Variants in ZBTB7C observed in about 807,000 individuals in gnomAD.
The protein encoded by ZBTB7C is zinc finger and BTB domain containing 7C.
In ZBTB7C, 8 loss-of-function variants were observed where a neutral mutation model predicts 25.7. That is an observed-to-expected ratio of 0.31 (90% confidence interval 0.18 to 0.56). ZBTB7C has a LOEUF of 0.56. ZBTB7C is among the 20% of genes least tolerant of loss of function. ZBTB7C has a pLI of 0.91. For synonymous variants in ZBTB7C, 394 were observed against 369.0 expected (o/e 1.07, Z -0.78); for missense variants, 824 against 855.2 (o/e 0.96, Z 0.46).
At chr18:48,144,299 T>C (rs977300059) in intron 3 of ZBTB7C, among the ~76,000 whole-genome samples, 4 of 151,534 alleles carry the variant, frequency 2.6e-5, no homozygotes, top group Non-Finnish European at 5.9e-5. Flanking sequence ...ATTTTTTTTT[T>C]CTTAGTTTTC....
chr18:48,175,962 G>T (rs1418926386), intron 3 of ZBTB7C, among the ~76,000 whole-genome samples: 2 of 152,206 alleles, frequency 1.3e-5, no homozygotes, highest in African/African-American at 2.4e-5. Context: ...TTAATGACTG[G>T]ATGGGCCAAA....
intron 3 of ZBTB7C, among the ~76,000 whole-genome samples, chr18:48,088,670 A>C (rs1303574322): frequency 2.4e-5 from 1 of 42,324 alleles, no homozygotes; most frequent in African/African-American, 1.1e-4. Flanking sequence ...TCTACTAAAA[A>C]TACAAAAAAA....
At chr18:48,185,194 C>A (rs1414826073) in intron 3 of ZBTB7C, 10 of 334,478 alleles carry the variant, frequency 3.0e-5, no homozygotes, top group South Asian at 1.7e-4. Flanking sequence ...CCTGTTCCTT[C>A]CTTCCTGGAA....
At chr18:48,274,805 GGAGGCT>G (rs1368968025) in intron 2 of ZBTB7C, among the ~76,000 whole-genome samples, 2 of 152,228 alleles carry the variant, frequency 1.3e-5, no homozygotes, top group Non-Finnish European at 2.9e-5. Context: ...GCAAAGGGCA[GGAGGCT>G]GATCTGCAGG....
intron 3 of ZBTB7C, among the ~76,000 whole-genome samples, chr18:48,127,968 C>A (rs1346212167): frequency 6.6e-6 from 1 of 152,212 alleles, no homozygotes; most frequent in East Asian, 1.9e-4. Flanking sequence ...GCCAAGGGGC[C>A]TCCTCCCCAA....
intron 1 of ZBTB7C, among the ~76,000 whole-genome samples, chr18:48,393,704 A>G (rs2047954766): frequency 6.6e-6 from 1 of 152,142 alleles, no homozygotes; most frequent in Non-Finnish European, 1.5e-5. Flanking sequence ...CCCTAATTAA[A>G]AATAAACCAC....
At chr18:48,204,327 C>T (rs756847738) in intron 2 of ZBTB7C, among the ~76,000 whole-genome samples, 17 of 152,186 alleles carry the variant, frequency 1.1e-4, no homozygotes, top group Non-Finnish European at 1.9e-4. Flanking sequence ...CCATTCCACA[C>T]GGATCTTTTT....
chr18:48,191,739 G>T (rs949918292), intron 2 of ZBTB7C, among the ~76,000 whole-genome samples: 6 of 152,220 alleles, frequency 3.9e-5, no homozygotes, highest in Non-Finnish European at 8.8e-5. Context: ...AGGCCCGGGG[G>T]TTGTCCAGCT....
At chr18:48,269,150 G>A (rs1267258401) in intron 2 of ZBTB7C, among the ~76,000 whole-genome samples, 3 of 151,784 alleles carry the variant, frequency 2.0e-5, no homozygotes, top group South Asian at 2.1e-4. Context: ...TTTTAGTATC[G>A]GCAGGGTTTT....
chr18:48,253,930 G>A (rs1260357286), intron 2 of ZBTB7C, among the ~76,000 whole-genome samples: 1 of 152,124 alleles, frequency 6.6e-6, no homozygotes, highest in African/African-American at 2.4e-5. Flanking sequence ...CAATAGGTAG[G>A]ATCTCAAAAA....
At chr18:48,323,684 C>T (rs1598871653) in intron 2 of ZBTB7C, among the ~76,000 whole-genome samples, 1 of 152,168 alleles carries the variant, frequency 6.6e-6, no homozygotes, top group East Asian at 1.9e-4. Context: ...TTGCTCATAC[C>T]TTCCTTCACC....
At chr18:48,325,905 A>G (rs1219555814) in intron 2 of ZBTB7C, among the ~76,000 whole-genome samples, 1 of 152,112 alleles carries the variant, frequency 6.6e-6, no homozygotes, top group South Asian at 2.1e-4. Flanking sequence ...TTCAGGACCC[A>G]TAAGTCTTCA....
At chr18:48,338,615 GCACACACATGCACACACACGCCCTT>G (rs1487679741) in intron 1 of ZBTB7C, among the ~76,000 whole-genome samples, 1 of 151,444 alleles carries the variant, frequency 6.6e-6, no homozygotes, top group East Asian at 1.9e-4. Flanking sequence ...CACACACACC[GCACACACATGCACACACACGCCCTT>G]CATTCCTTTC....
chr18:48,362,833 G>T (rs1471848744), intron 1 of ZBTB7C, among the ~76,000 whole-genome samples: 1 of 152,180 alleles, frequency 6.6e-6, no homozygotes, highest in Non-Finnish European at 1.5e-5. Flanking sequence ...ATGGTCTGTT[G>T]TGAGACAAGG....
intron 1 of ZBTB7C, among the ~76,000 whole-genome samples, chr18:48,400,374 T>C (rs2048128578): frequency 6.6e-6 from 1 of 152,236 alleles, no homozygotes; most frequent in African/African-American, 2.4e-5. Flanking sequence ...GAAATGGCTC[T>C]TAAAGATAGC....
intron 3 of ZBTB7C, among the ~76,000 whole-genome samples, chr18:48,060,962 C>T (rs889163891): frequency 5.3e-5 from 8 of 152,200 alleles, no homozygotes; most frequent in Middle Eastern, 3.4e-3. Context: ...CATCCAACCC[C>T]AGCTGCTTGA....
chr18:48,359,473 A>G (rs2047053822), intron 1 of ZBTB7C, among the ~76,000 whole-genome samples: 1 of 152,224 alleles, frequency 6.6e-6, no homozygotes, highest in Admixed American at 6.5e-5. Flanking sequence ...TAATGGCAAC[A>G]TGACAGGTAC....
At chr18:48,089,933 G>A (rs1200569564) in intron 3 of ZBTB7C, among the ~76,000 whole-genome samples, 3 of 152,218 alleles carry the variant, frequency 2.0e-5, no homozygotes, top group South Asian at 2.1e-4. Flanking sequence ...CCTTCATAGC[G>A]TTCCTCTCTT....
chr18:48,101,988 T>C (rs2038847986), intron 3 of ZBTB7C, among the ~76,000 whole-genome samples: 1 of 152,206 alleles, frequency 6.6e-6, no homozygotes, highest in Admixed American at 6.5e-5. Context: ...ATGTACTCTT[T>C]ATTTTGAAAA....
Sources: allele counts gnomAD v4.1 joint callset (sites outside exome capture counted in the v4.1 genomes callset), GRCh38; gene constraint gnomAD v4.1.1; transcripts MANE v1.5; gene names NCBI Gene and HGNC (gene_info 2026-07-23, HGNC 2026-07-21).